SSBP3: variants seen among roughly 807,000 people sequenced by gnomAD.
SSBP3 encodes single-stranded DNA-binding protein 3.
A neutral mutation model predicts 69.6 loss-of-function variants in SSBP3; 5 were observed. The observed-to-expected ratio is 0.07, with a 90% CI of 0.04 to 0.15. The LOEUF (loss-of-function observed/expected upper bound fraction) is 0.15, where lower values mean the gene tolerates loss of function less well. Among genes scored for constraint, SSBP3 ranks in the 10% least tolerant of loss-of-function variants. The pLI, the probability that SSBP3 is intolerant of heterozygous loss-of-function variation, is 1.00. For missense variants in SSBP3, 312 were observed against 534.0 expected (o/e 0.58, Z 4.10); for synonymous variants, 196 against 193.4 (o/e 1.01, Z -0.11).
intron 4 of SSBP3, among the ~76,000 whole-genome samples, chr1:54,319,206 A>G (rs962943645): frequency 6.6e-6 from 1 of 152,166 alleles, no homozygotes; most frequent in Non-Finnish European, 1.5e-5. Flanking sequence ...TACAGATGAG[A>G]AAACTGAGGC....
chr1:54,257,579 G>A (rs944764550), intron 6 of SSBP3, among the ~76,000 whole-genome samples: 2 of 152,104 alleles, frequency 1.3e-5, no homozygotes, highest in African/African-American at 4.8e-5. Flanking sequence ...CTGGACACAC[G>A]AGCACGCACA....
At chr1:54,273,238 C>G (rs577415368) in intron 5 of SSBP3, among the ~76,000 whole-genome samples, 1 of 152,226 alleles carries the variant, frequency 6.6e-6, no homozygotes, top group Non-Finnish European at 1.5e-5. Flanking sequence ...GTGAGAGTTA[C>G]GGCGCTACAT....
intron 9 of SSBP3, among the ~76,000 whole-genome samples, chr1:54,246,916 G>A (rs1644743782): frequency 6.6e-6 from 1 of 152,244 alleles, no homozygotes; most frequent in South Asian, 2.1e-4. Flanking sequence ...CTGCCTGCCT[G>A]CCTGCAGCAC....
chr1:54,354,542 C>T (rs1029812138), intron 4 of SSBP3, among the ~76,000 whole-genome samples: 5 of 152,232 alleles, frequency 3.3e-5, no homozygotes, highest in African/African-American at 1.2e-4. Context: ...TCACATCTAA[C>T]GTGGGAGCAA....
chr1:54,404,990 C>T (rs1222468137), intron 1 of SSBP3, 60 bp from the exon 2 acceptor site: 4 of 1,465,554 alleles, frequency 2.7e-6, no homozygotes, highest in African/African-American at 2.8e-5. Flanking sequence ...CACCGGCGCT[C>T]TCCAGGACCT....
chr1:54,238,228 G>A (rs1321537587), intron 14 of SSBP3: 1 of 471,090 alleles, frequency 2.1e-6, no homozygotes, highest in South Asian at 1.5e-5. Context: ...GGGTGATCCG[G>A]GTGTCACCTC....
intron 9 of SSBP3, among the ~76,000 whole-genome samples, chr1:54,245,199 G>T (rs1158616205): frequency 6.6e-6 from 1 of 152,234 alleles, no homozygotes; most frequent in African/African-American, 2.4e-5. Flanking sequence ...CCTTTACTGA[G>T]TGCATGACAC....
chr1:54,349,767 A>C (rs1263947294), intron 4 of SSBP3, among the ~76,000 whole-genome samples: 1 of 152,116 alleles, frequency 6.6e-6, no homozygotes, highest in East Asian at 1.9e-4. Context: ...TTTTTCAAGA[A>C]ATGCCTCCCG....
chr1:54,382,903 T>G (rs529452801), intron 4 of SSBP3, among the ~76,000 whole-genome samples: 3 of 146,892 alleles, frequency 2.0e-5, no homozygotes, highest in Admixed American at 1.4e-4. Flanking sequence ...GAGAATCACT[T>G]GAACCCAGGA....
chr1:54,239,128 C>CGTT lies in SSBP3; in HGVS notation c.925_927dup (p.Asn309dup), dbSNP rs775698542. Reference sequence around the variant, plus strand: ...TGTAAATTATTAGAAAGCAGACTTACGTTGGACCGGCTGCCTCCAGGCGGC... The same window carrying CGTT: ...TGTAAATTATTAGAAAGCAGACTTACGTTGTTGGACCGGCTGCCTCCAGGCGGC... On this transcript the variant is annotated inframe_insertion and splice_region_variant. Transcript: ENST00000610401. 1 of 1,613,138 alleles carries CGTT rather than the reference C, an allele frequency of 6.2e-7. No individual in the cohort carries two copies. The highest frequency in any genetic ancestry group is 8.5e-7 in the Non-Finnish European group (1 of 1,179,222).
chr1:54,357,312 C>A (rs748463382), intron 4 of SSBP3, among the ~76,000 whole-genome samples: 3 of 150,640 alleles, frequency 2.0e-5, no homozygotes, highest in Non-Finnish European at 4.4e-5. Context: ...CTGCTACACA[C>A]AGATCCACAC....
chr1:54,332,815 C>A (rs540480181), intron 4 of SSBP3, among the ~76,000 whole-genome samples: 1 of 152,320 alleles, frequency 6.6e-6, no homozygotes, highest in Admixed American at 6.5e-5. Context: ...GGGCGTCAAG[C>A]GCATCAGAGA....
At chr1:54,326,640 C>T (rs1027784047) in intron 4 of SSBP3, among the ~76,000 whole-genome samples, 2 of 152,136 alleles carry the variant, frequency 1.3e-5, no homozygotes, top group African/African-American at 2.4e-5. Context: ...CCCTCATGGC[C>T]GACCCCAGAG....
intron 7 of SSBP3, among the ~76,000 whole-genome samples, chr1:54,254,780 T>G (rs1167610656): frequency 6.6e-6 from 1 of 152,154 alleles, no homozygotes; most frequent in East Asian, 1.9e-4. Context: ...AGGATAGAAA[T>G]TTCTTGAGGT....
intron 4 of SSBP3, among the ~76,000 whole-genome samples, chr1:54,394,207 G>C (rs1043079458): frequency 1.9e-4 from 29 of 152,212 alleles, no homozygotes; most frequent in Non-Finnish European, 1.3e-4. Flanking sequence ...AGGCAGGTTT[G>C]AGTTCTACTG....
chr1:54,239,803 C>G (rs1393300971), intron 13 of SSBP3, among the ~76,000 whole-genome samples: 1 of 152,178 alleles, frequency 6.6e-6, no homozygotes. Context: ...ACCCCTGCAG[C>G]TGAGCAGCTT....
At chr1:54,309,690 T>C (rs1426205619) in intron 4 of SSBP3, among the ~76,000 whole-genome samples, 1 of 152,158 alleles carries the variant, frequency 6.6e-6, no homozygotes, top group African/African-American at 2.4e-5. Flanking sequence ...CCGGTTGCCC[T>C]GTACTCAGAA....
At chr1:54,392,658 G>A (rs1214250761) in intron 4 of SSBP3, among the ~76,000 whole-genome samples, 4 of 152,192 alleles carry the variant, frequency 2.6e-5, no homozygotes, top group African/African-American at 9.7e-5. Flanking sequence ...TAGCACAGTT[G>A]ATGCCTGGGC....
intron 4 of SSBP3, among the ~76,000 whole-genome samples, chr1:54,308,462 G>A (rs1053181444): frequency 2.0e-4 from 30 of 152,248 alleles, no homozygotes; most frequent in African/African-American, 4.3e-4. Flanking sequence ...TTAGCCAGGC[G>A]CGGTGGCGGG....
Sources: allele counts gnomAD v4.1 joint callset (sites outside exome capture counted in the v4.1 genomes callset), GRCh38; gene constraint gnomAD v4.1.1; transcripts MANE v1.5; gene names NCBI Gene and HGNC (gene_info 2026-07-23, HGNC 2026-07-21).